CCDC125: variants seen among roughly 807,000 people sequenced by gnomAD.
The protein encoded by CCDC125 is coiled-coil domain-containing protein 125.
A neutral mutation model predicts 57.4 loss-of-function variants in CCDC125; 43 were observed. That is an observed-to-expected ratio of 0.75 (90% confidence interval 0.59 to 0.97). The LOEUF (loss-of-function observed/expected upper bound fraction) is 0.97. Among genes scored for constraint, CCDC125 ranks in the 50% least tolerant of loss-of-function variants. CCDC125 has a pLI of 0.00. For synonymous variants in CCDC125, 187 were observed against 195.2 expected, an observed-to-expected ratio of 0.96 and a Z score of 0.35; for missense variants, 563 against 595.7, an observed-to-expected ratio of 0.95 and a Z score of 0.57.
At chr5:69,304,056 A>T (rs1262928054) in intron 6 of CCDC125, 127 bp from the exon 7 acceptor site, 1 of 565,744 alleles carries the variant, frequency 1.8e-6, no homozygotes, top group African/African-American at 1.9e-5. Flanking sequence ...ATAGTCTGGA[A>T]TTTACACGTA....
intron 3 of CCDC125, chr5:69,313,252 T>G: frequency 1.9e-6 from 1 of 531,436 alleles, no homozygotes; most frequent in South Asian, 2.2e-5. Flanking sequence ...GTGAAGGGAT[T>G]GCCCTTCCCC....
intron 8 of CCDC125, among the ~76,000 whole-genome samples, chr5:69,298,552 C>T (rs1318118294): frequency 6.6e-6 from 1 of 152,150 alleles, no homozygotes; most frequent in African/African-American, 2.4e-5. Flanking sequence ...CTGATAATCT[C>T]CCATGCCTAG....
chr5:69,301,922 T>TA, intron 7 of CCDC125, among the ~76,000 whole-genome samples: 1 of 147,796 alleles, frequency 6.8e-6, no homozygotes, highest in Non-Finnish European at 1.5e-5. Flanking sequence ...ATAATAATAA[T>TA]ATATTTTTTA....
chr5:69,320,187 T>A (rs373659809), intron 2 of CCDC125, 50 bp downstream of exon 2: 1 of 1,460,700 alleles, frequency 6.8e-7, no homozygotes, highest in South Asian at 1.2e-5. Flanking sequence ...GGTTATAGCT[T>A]TGATACTATG....
intron 1 of CCDC125, among the ~76,000 whole-genome samples, chr5:69,327,794 T>C (rs1216367613): frequency 2.0e-5 from 3 of 152,264 alleles, no homozygotes; most frequent in Non-Finnish European, 4.4e-5. Flanking sequence ...TTTTCTTCAA[T>C]TGTCAATTTA....
At chr5:69,315,450 C>CAAAAAAAAAAAAAAA (rs1359288696) in intron 2 of CCDC125, among the ~76,000 whole-genome samples, 20 of 4,856 alleles carry the variant, frequency 4.1e-3, no homozygotes, top group East Asian at 0.022. Context: ...AAAAAAAAAA[C>CAAAAAAAAAAAAAAA]AAAAAAAAAA....
intron 1 of CCDC125, among the ~76,000 whole-genome samples, chr5:69,324,966 G>A (rs1431279980): frequency 8.5e-5 from 13 of 152,186 alleles, no homozygotes; most frequent in Admixed American, 8.5e-4. Flanking sequence ...TGACCACAAA[G>A]GGCATGAGGG....
chr5:69,282,584 A>C lies in CCDC125; in HGVS notation c.*145T>G. On this transcript the variant is annotated 3_prime_UTR_variant, in exon 12 of 12. Transcript: ENST00000396496. ...TCAAAAGAAGAAAAAGAAAATGTAGAAAATATTTGATTTAAGTGACCTCCT... is the reference window on the plus strand; with the variant it reads ...TCAAAAGAAGAAAAAGAAAATGTAGCAAATATTTGATTTAAGTGACCTCCT... 1.5e-6 allele frequency: 1 copy of C among 649,598 alleles called. No individual in the cohort carries two copies. The highest frequency in any genetic ancestry group is 4.3e-4 in the Middle Eastern group (1 of 2,312). 40.2% of individuals were successfully genotyped at this position (649,598 alleles called of 1,614,324 possible).
At position 69,292,269 on chromosome 5, in the gene CCDC125, G is replaced by A; in HGVS notation, c.1018C>T (p.Gln340Ter). 3.7e-6 allele frequency: 6 copies of A among 1,613,502 alleles called. No homozygotes were observed. The highest frequency in any genetic ancestry group is 5.1e-6 in the Non-Finnish European group (6 of 1,179,690). ...TCCATTTGTGTCAATTGTAGTGCCT[G>A]GTCATTTTTTCTCATTAATTGTTGC... is the stretch of plus-strand genomic sequence containing the variant. ...FEQQLMRKND[Q>*]ALQLTQMDKM... Residue 340 changes from glutamine to a stop codon, truncating the protein, a stop_gained, in exon 10 of 12, where the codon CAG becomes TAG. Transcript: ENST00000396496. LOFTEE classifies it high-confidence loss of function.
chr5:69,277,252 G>A (rs1752246633), downstream of CCDC125: 3 of 575,242 alleles, frequency 5.2e-6, no homozygotes, highest in East Asian at 9.0e-5. Flanking sequence ...TTCTACACAT[G>A]TAAAATATGT....
At position 69,282,486 on chromosome 5, in the gene CCDC125, G is replaced by A. The variant is rs1022662833; in HGVS notation, c.*243C>T. On this transcript the variant is annotated 3_prime_UTR_variant, in exon 12 of 12. Coordinates refer to ENST00000396496, the MANE Select transcript of CCDC125 (RefSeq NM_176816.5). Reference sequence around the variant, plus strand: ...CTGAGGCAGGAGAATTGCTTGAACCGGGAGGCGGAGGTTGCAGTGAACCGA... The same window carrying A: ...CTGAGGCAGGAGAATTGCTTGAACCAGGAGGCGGAGGTTGCAGTGAACCGA... 3.4e-5 allele frequency: 12 copies of A among 348,800 alleles called. No homozygotes were observed. Among genetic ancestry groups the A allele is most frequent in the Admixed American group, 3.2e-4 (7 of 21,578 alleles). 21.6% of individuals were successfully genotyped at this position (348,800 alleles called of 1,614,324 possible).
chr5:69,287,500 T>G (rs923286248), intron 10 of CCDC125, among the ~76,000 whole-genome samples: 1 of 151,990 alleles, frequency 6.6e-6, no homozygotes. Flanking sequence ...CGACCTCAAG[T>G]GATCCACCCA....
At chr5:69,313,643 C>T (rs142544614) in intron 3 of CCDC125, 979 of 741,044 alleles carry the variant, frequency 1.3e-3, no homozygotes, top group Non-Finnish European at 1.9e-3. Context: ...AATCCTTATC[C>T]GGTAGCATCT....
At chr5:69,331,074 G>A (rs1348286534) in intron 1 of CCDC125, among the ~76,000 whole-genome samples, 9 of 151,942 alleles carry the variant, frequency 5.9e-5, no homozygotes, top group East Asian at 5.9e-4. Flanking sequence ...AGGCTGAGGC[G>A]GGCAGATCAC....
intron 8 of CCDC125, among the ~76,000 whole-genome samples, chr5:69,299,160 A>G (rs1755918250): frequency 6.7e-6 from 1 of 148,852 alleles, no homozygotes; most frequent in Non-Finnish European, 1.5e-5. Flanking sequence ...CCCAGGCCAG[A>G]CTGCAGTGGC....
downstream of CCDC125, among the ~76,000 whole-genome samples, chr5:69,278,065 A>G (rs1340945628): frequency 6.6e-6 from 1 of 152,084 alleles, no homozygotes; most frequent in Non-Finnish European, 1.5e-5. Context: ...TATTTTTAGT[A>G]GAGACAGGAT....
At chr5:69,283,111 T>C in intron 11 of CCDC125, 77 bp from the exon 12 acceptor site, 1 of 1,204,812 alleles carries the variant, frequency 8.3e-7, no homozygotes, top group Non-Finnish European at 1.1e-6. Flanking sequence ...AGTATTGTAC[T>C]ATTTTATCAA....
At chr5:69,317,418 A>C (rs188003609) in intron 2 of CCDC125, among the ~76,000 whole-genome samples, 58 of 152,332 alleles carry the variant, frequency 3.8e-4, no homozygotes, top group Middle Eastern at 3.4e-3. Flanking sequence ...GAAAAATATA[A>C]AAATAATCCC....
At chr5:69,332,137 G>T (rs910585681) in intron 1 of CCDC125, among the ~76,000 whole-genome samples, 31 of 152,238 alleles carry the variant, frequency 2.0e-4, no homozygotes, top group Admixed American at 1.3e-4. Flanking sequence ...ACTAACTTGA[G>T]CCCTCCCTGG....
Sources: allele counts gnomAD v4.1 joint callset (sites outside exome capture counted in the v4.1 genomes callset), GRCh38; gene constraint gnomAD v4.1.1; transcripts MANE v1.5; gene names NCBI Gene and HGNC (gene_info 2026-07-23, HGNC 2026-07-21).